Variants in NRDC observed in about 807,000 individuals in gnomAD.
The protein encoded by NRDC is nardilysin convertase.
In NRDC, 54 loss-of-function variants were observed where a neutral mutation model predicts 147.1. The ratio of observed to expected loss-of-function variants is 0.37; its 90% confidence interval spans 0.29 to 0.46. The LOEUF (loss-of-function observed/expected upper bound fraction) is 0.46. Among genes scored for constraint, NRDC ranks in the 20% least tolerant of loss-of-function variants. The pLI, the probability that NRDC is intolerant of heterozygous loss-of-function variation, is 1.00. For missense variants in NRDC, 1,082 were observed against 1,370.6 expected (o/e 0.79, Z 3.33); for synonymous variants, 440 against 482.1 (o/e 0.91, Z 1.14).
intron 28 of NRDC, 28 bp from the exon 29 acceptor site, chr1:51,790,677 A>G: frequency 6.7e-7 from 1 of 1,497,396 alleles, no homozygotes; most frequent in Non-Finnish European, 9.3e-7. Context: ...AAAGATGCTC[A>G]GGTGAGGCAA....
rs546458343 is a variant in NRDC, at chr1:51,852,920, A to T, written c.342-12406T>A. On this transcript the variant is annotated intron_variant, in intron 1 of 30. Coordinates refer to ENST00000352171, the MANE Select transcript of NRDC (RefSeq NM_001101662.2). ...ATCATAATCTGAGGGCCCCTTTCAG[A>T]ATATTACATAAAAGAATTCCTGGCC... is the stretch of plus-strand genomic sequence containing the variant. 2.3e-4 allele frequency among the ~76,000 whole-genome samples: 35 copies of T among 152,236 alleles called. No homozygotes were observed. In the South Asian group the frequency reaches 7.3e-3, roughly 32 times the overall value.
intron 1 of NRDC, among the ~76,000 whole-genome samples, chr1:51,860,324 A>G (rs1682466634): frequency 1.3e-5 from 2 of 152,194 alleles, no homozygotes; most frequent in African/African-American, 4.8e-5. Context: ...TTCCCCAGAT[A>G]GAATTGTTTT....
At chr1:51,797,005 C>T (rs1392537320) in intron 22 of NRDC, among the ~76,000 whole-genome samples, 1 of 151,562 alleles carries the variant, frequency 6.6e-6, no homozygotes, top group Non-Finnish European at 1.5e-5. Flanking sequence ...TCGAGACCAT[C>T]CTGGCCAACA....
At chr1:51,795,340 C>T (rs1034578313) in intron 22 of NRDC, 4 of 640,440 alleles carry the variant, frequency 6.2e-6, no homozygotes, top group African/African-American at 5.8e-5. Flanking sequence ...GTGATTTCTA[C>T]TGGAGGAAAT....
chr1:51,869,703 T>C (rs1349338489), intron 1 of NRDC, among the ~76,000 whole-genome samples: 1 of 152,246 alleles, frequency 6.6e-6, no homozygotes, highest in Non-Finnish European at 1.5e-5. Flanking sequence ...CAAAAAATGC[T>C]ACAAAGCCAG....
At chr1:51,819,665 C>A in intron 9 of NRDC, 135 bp downstream of exon 9, 1 of 655,992 alleles carries the variant, frequency 1.5e-6, no homozygotes, top group Non-Finnish European at 2.7e-6. Context: ...ATCTCCATTG[C>A]CCATCTACTT....
At chr1:51,816,258 C>T (rs1190674171) in intron 11 of NRDC, 54 bp downstream of exon 11, 2 of 1,161,312 alleles carry the variant, frequency 1.7e-6, no homozygotes, top group Non-Finnish European at 2.5e-6. Flanking sequence ...TACTTATTGT[C>T]TACTATTTTT....
chr1:51,854,606 G>C (rs1682144004), intron 1 of NRDC, among the ~76,000 whole-genome samples: 1 of 152,272 alleles, frequency 6.6e-6, no homozygotes, highest in South Asian at 2.1e-4. Context: ...TGTGCAACTT[G>C]ATAAACAAGC....
At chr1:51,859,430 G>C (rs1682421960) in intron 1 of NRDC, among the ~76,000 whole-genome samples, 2 of 152,220 alleles carry the variant, frequency 1.3e-5, no homozygotes, top group Non-Finnish European at 2.9e-5. Flanking sequence ...CCCACAGTGA[G>C]GCATGAGGAC....
chr1:51,855,205 A>G (rs1378713511), intron 1 of NRDC, among the ~76,000 whole-genome samples: 1 of 152,192 alleles, frequency 6.6e-6, no homozygotes, highest in African/African-American at 2.4e-5. Context: ...GAAATTTACC[A>G]CTGCCTTTAA....
chr1:51,832,775 A>G (rs1379804409), intron 4 of NRDC, among the ~76,000 whole-genome samples: 4 of 152,178 alleles, frequency 2.6e-5, no homozygotes, highest in Non-Finnish European at 4.4e-5. Context: ...ATATATTTGC[A>G]AATATACTCA....
intron 1 of NRDC, among the ~76,000 whole-genome samples, chr1:51,849,027 C>A (rs1470686752): frequency 6.6e-6 from 1 of 152,068 alleles, no homozygotes; most frequent in Non-Finnish European, 1.5e-5. Flanking sequence ...TGGGAACATC[C>A]AATATTATAA....
At chr1:51,868,231 A>G (rs1032894802) in intron 1 of NRDC, among the ~76,000 whole-genome samples, 1 of 152,042 alleles carries the variant, frequency 6.6e-6, no homozygotes, top group Admixed American at 6.6e-5. Context: ...AATCGCTTGG[A>G]AAAAAAACAT....
intron 1 of NRDC, among the ~76,000 whole-genome samples, chr1:51,857,396 G>A (rs939196469): frequency 1.3e-5 from 2 of 152,148 alleles, no homozygotes; most frequent in East Asian, 3.8e-4. Context: ...GAGCCTCTCT[G>A]AACCTATTCT....
intron 11 of NRDC, chr1:51,816,006 T>C (rs1337086473): frequency 2.5e-5 from 4 of 161,590 alleles, no homozygotes; most frequent in African/African-American, 9.6e-5. Flanking sequence ...TTCAGTCAAA[T>C]ATAAATTCTT....
intron 29 of NRDC, 76 bp downstream of exon 29, chr1:51,790,457 G>T: frequency 1.1e-6 from 1 of 878,438 alleles, no homozygotes; most frequent in Non-Finnish European, 1.9e-6. Context: ...CAATGCTGGT[G>T]TGCACAGACC....
At chr1:51,794,239 G>A (rs759765939) in intron 24 of NRDC, among the ~76,000 whole-genome samples, 10 of 152,080 alleles carry the variant, frequency 6.6e-5, no homozygotes, top group Non-Finnish European at 8.8e-5. Flanking sequence ...CCCACACCTC[G>A]GTTTCTGGCC....
At chr1:51,853,748 A>G (rs1340301208) in intron 1 of NRDC, among the ~76,000 whole-genome samples, 1 of 152,242 alleles carries the variant, frequency 6.6e-6, no homozygotes, top group Admixed American at 6.5e-5. Context: ...CAAATCCCAC[A>G]TGCAATACTT....
chr1:51,795,351 T>C (rs1227835727), intron 22 of NRDC: 1 of 548,526 alleles, frequency 1.8e-6, no homozygotes, highest in African/African-American at 2.0e-5. Context: ...TGGAGGAAAT[T>C]CATGGTACTA....
Sources: gnomAD v4.1 joint callset for allele counts (sites outside exome capture counted in the v4.1 genomes callset) on GRCh38, gnomAD v4.1.1 for gene constraint, MANE v1.5 for transcripts, NCBI Gene and HGNC (gene_info 2026-07-23, HGNC 2026-07-21) for gene names.